ZNF236: variants seen among roughly 807,000 people sequenced by gnomAD.
The protein encoded by ZNF236 is regulated by glucose.
In ZNF236, 50 loss-of-function variants were observed where a neutral mutation model predicts 191.2. The observed-to-expected ratio is 0.26, with a 90% CI of 0.21 to 0.33. The LOEUF (loss-of-function observed/expected upper bound fraction) is 0.33. Ranked by LOEUF, ZNF236 falls within the 10% of genes least tolerant of loss-of-function variation. The pLI is 1.00. For synonymous variants in ZNF236, 907 were observed against 928.8 expected (o/e 0.98, Z 0.43); for missense variants, 1,754 against 2,374.5 (o/e 0.74, Z 5.43).
At position 76,881,367 on chromosome 18, in the gene ZNF236, A is replaced by G. The variant is rs1330664346; in HGVS notation, c.1272A>G (p.Pro424=). The change falls in exon 9 of 31, where the codon CCA becomes CCG. Residue 424 remains proline, a synonymous_variant. Coordinates refer to ENST00000320610, the MANE Select transcript of ZNF236 (RefSeq NM_001306089.2). The part of the protein sequence containing the change: ...NDSCHAKTSA[P]HAQNPDVSSV... Reference sequence around the variant, plus strand: ...CCTGCCATGCCAAGACCTCTGCACCACACGCTCAAAACCCAGATGTTTCCA... The same window carrying G: ...CCTGCCATGCCAAGACCTCTGCACCGCACGCTCAAAACCCAGATGTTTCCA... The G allele has an allele frequency of 6.8e-6, 11 of 1,614,076 alleles. No individual in the cohort carries two copies. The Admixed American group carries it at 1.8e-4, about 27-fold the overall frequency.
chr18:76,906,362 A>C (rs1977739862), intron 13 of ZNF236, among the ~76,000 whole-genome samples: 1 of 152,060 alleles, frequency 6.6e-6, no homozygotes, highest in South Asian at 2.1e-4. Flanking sequence ...ATCCACTTAC[A>C]CTTCACTGCA....
At chr18:76,900,050 T>C (rs1016180788) in intron 11 of ZNF236, among the ~76,000 whole-genome samples, 4 of 152,238 alleles carry the variant, frequency 2.6e-5, no homozygotes, top group African/African-American at 9.6e-5. Context: ...CACTTACTAA[T>C]GTGTGAATTT....
At chr18:76,877,341 T>G (rs1160415176) in intron 6 of ZNF236, among the ~76,000 whole-genome samples, 2 of 151,912 alleles carry the variant, frequency 1.3e-5, no homozygotes, top group African/African-American at 4.8e-5. Context: ...AAACCCCATC[T>G]CTACTAAAAT....
Position 76,960,540 on chromosome 18 carries a change from C to T in ZNF236, c.5243-139C>T, listed in dbSNP as rs1968641546. ...TGGTCTCCCTATGGCTCCTCCAGCC[C>T]TTTGTTCAGATGACAGCCAGGCTGA... On this transcript the variant is annotated intron_variant, in intron 29 of 30. Coordinates refer to ENST00000320610, the MANE Select transcript of ZNF236 (RefSeq NM_001306089.2). This position sits in a 1 kb window ranked among gnomAD's most constrained non-coding sequence, Gnocchi z 4.4. The T allele has an allele frequency of 8.8e-7, 1 of 1,140,872 alleles. No individual in the cohort carries two copies. Among genetic ancestry groups the T allele is most frequent in the African/African-American group, 1.5e-5 (1 of 64,584 alleles). The allele number at this position is 1,140,872 out of a possible 1,614,324, so 70.7% of individuals were successfully genotyped here. A position where few individuals can be genotyped will look rare whatever the true frequency, so the allele number is the denominator to read the frequency against.
Position 76,925,074 on chromosome 18 carries a change from A to T in ZNF236, c.3662-115A>T. Reference sequence around the variant, plus strand: ...TATAGGTGAAAGGGATTCTCATTAAAGTACTTCCATCCACTGATTCAACAT... The same window carrying T: ...TATAGGTGAAAGGGATTCTCATTAATGTACTTCCATCCACTGATTCAACAT... On this transcript the variant is annotated intron_variant, in intron 21 of 30. Coordinates refer to ENST00000320610, the MANE Select transcript of ZNF236 (RefSeq NM_001306089.2). This position sits in a 1 kb window ranked among gnomAD's most constrained non-coding sequence, Gnocchi z 5.7. The T allele has an allele frequency of 2.7e-6, 4 of 1,457,352 alleles. No individual in the cohort carries two copies. The highest frequency in any genetic ancestry group is 3.7e-6 in the Non-Finnish European group (4 of 1,086,888). 90.3% of individuals were successfully genotyped at this position (1,457,352 alleles called of 1,614,324 possible). A position where few individuals can be genotyped will look rare whatever the true frequency, so the allele number is the denominator to read the frequency against.
intron 25 of ZNF236, chr18:76,936,358 T>C (rs1275322812): frequency 2.2e-6 from 1 of 456,606 alleles, no homozygotes; most frequent in African/African-American, 2.0e-5. Flanking sequence ...TTGTGTTCAC[T>C]GGTGCCCACT....
intron 17 of ZNF236, among the ~76,000 whole-genome samples, chr18:76,913,102 T>C (rs921369953): frequency 6.6e-6 from 1 of 152,174 alleles, no homozygotes; most frequent in East Asian, 1.9e-4. Flanking sequence ...TTGCTGGAGA[T>C]TAAAACTTGA....
chr18:76,823,761 CT>C (rs1298162800), intron 1 of ZNF236, among the ~76,000 whole-genome samples: 3 of 152,218 alleles, frequency 2.0e-5, no homozygotes, highest in Non-Finnish European at 2.9e-5. Context: ...GAGGAACGGA[CT>C]TTCCTGCGCA....
At chr18:76,932,963 C>T (rs1967896854) in intron 25 of ZNF236, among the ~76,000 whole-genome samples, 1 of 152,250 alleles carries the variant, frequency 6.6e-6, no homozygotes, top group South Asian at 2.1e-4. Context: ...AAGTGCTGTA[C>T]CTATAAATTC....
intron 3 of ZNF236, among the ~76,000 whole-genome samples, chr18:76,852,616 A>G (rs921726239): frequency 6.6e-6 from 1 of 152,018 alleles, no homozygotes; most frequent in Non-Finnish European, 1.5e-5. Context: ...CCTGGACAAC[A>G]TAGTGAGACC....
At chr18:76,931,890 A>G (rs558027389) in intron 25 of ZNF236, among the ~76,000 whole-genome samples, 5 of 150,788 alleles carry the variant, frequency 3.3e-5, no homozygotes, top group African/African-American at 1.2e-4. Context: ...CTTTGTGAGG[A>G]AAAAAAAACT....
At position 76,908,264 on chromosome 18, in the gene ZNF236, G is replaced by A; in HGVS notation, c.2298-56G>A. Reference sequence around the variant, plus strand: ...ACAACTCTTTCACTGTAGTATCCCAGGCAAGTAACCTTTGACAGCATCTAA... The same window carrying A: ...ACAACTCTTTCACTGTAGTATCCCAAGCAAGTAACCTTTGACAGCATCTAA... On this transcript the variant is annotated intron_variant, in intron 13 of 30. Coordinates refer to ENST00000320610, the MANE Select transcript of ZNF236 (RefSeq NM_001306089.2). 2.6e-6 allele frequency: 4 copies of A among 1,555,760 alleles called. No individual in the cohort carries two copies. In the South Asian group the frequency reaches 4.6e-5, roughly 18 times the overall value.
intron 25 of ZNF236, 65 bp from the exon 26 acceptor site, chr18:76,937,091 C>G (rs1968020144): frequency 1.3e-6 from 2 of 1,509,108 alleles, no homozygotes; most frequent in Non-Finnish European, 1.8e-6. Context: ...ATCGCTCTCC[C>G]TATGCCCTTA....
chr18:76,895,310 A>C (rs1977370414), intron 10 of ZNF236, 25 bp downstream of exon 10: 1 of 1,593,674 alleles, frequency 6.3e-7, no homozygotes, highest in South Asian at 1.1e-5. Flanking sequence ...CTGGGCCCAC[A>C]CGGGCACTGG....
chr18:76,831,344 A>G (rs1173541020), intron 1 of ZNF236, among the ~76,000 whole-genome samples: 1 of 152,176 alleles, frequency 6.6e-6, no homozygotes, highest in East Asian at 1.9e-4. Context: ...TAAGACATGC[A>G]TTCCTCCATG....
Position 76,904,539 on chromosome 18 carries a change from C to T in ZNF236, c.2036+18C>T. On this transcript the variant is annotated intron_variant, in intron 12 of 30. Coordinates refer to ENST00000320610, the MANE Select transcript of ZNF236 (RefSeq NM_001306089.2). ...CACATCAGGTAAGGTAACGGATTCA[C>T]AGATGGAAATTTAGTATAATTAAAC... The T allele has an allele frequency of 6.4e-7, 1 of 1,558,358 alleles. No homozygotes were observed. Among genetic ancestry groups the T allele is most frequent in the Non-Finnish European group, 8.7e-7 (1 of 1,152,696 alleles).
intron 30 of ZNF236, among the ~76,000 whole-genome samples, chr18:76,967,354 TTTG>T (rs1345105084): frequency 6.9e-6 from 1 of 145,578 alleles, no homozygotes; most frequent in African/African-American, 2.7e-5. Context: ...ACATTTGTGA[TTTG>T]TTGTTGGAGG....
chr18:76,832,660 A>G (rs1202852780), intron 1 of ZNF236, among the ~76,000 whole-genome samples: 1 of 151,864 alleles, frequency 6.6e-6, no homozygotes, highest in Non-Finnish European at 1.5e-5. Flanking sequence ...TATGGGAAAT[A>G]TAAGTCCTCC....
At chr18:76,859,489 C>T (rs1976151530) in intron 3 of ZNF236, among the ~76,000 whole-genome samples, 1 of 152,090 alleles carries the variant, frequency 6.6e-6, no homozygotes, top group South Asian at 2.1e-4. Flanking sequence ...GAAAGACCAA[C>T]CCGGGTGTGT....
Sources: allele counts gnomAD v4.1 joint callset (sites outside exome capture counted in the v4.1 genomes callset), GRCh38; gene constraint gnomAD v4.1.1; non-coding constraint Gnocchi (gnomAD v3.1); transcripts MANE v1.5; gene names NCBI Gene and HGNC (gene_info 2026-07-23, HGNC 2026-07-21).